Variants in MYH3 observed in about 807,000 individuals in gnomAD.
MYH3 encodes myosin heavy chain 3, also known as myosin-3.
A neutral mutation model predicts 238.0 loss-of-function variants in MYH3; 130 were observed. That is an observed-to-expected ratio of 0.55 (90% CI 0.47 to 0.63). The LOEUF (loss-of-function observed/expected upper bound fraction) is 0.63, where lower values mean the gene tolerates loss of function less well. MYH3 is among the 30% of genes least tolerant of loss of function. MYH3 has a pLI of 0.00. For synonymous variants in MYH3, 880 were observed against 924.1 expected (o/e 0.95, Z 0.86); for missense variants, 1,853 against 2,374.9 (o/e 0.78, Z 4.57).
chr17:10,648,084 C>A (rs2074340830), intron 8 of MYH3, among the ~76,000 whole-genome samples: 1 of 152,120 alleles, frequency 6.6e-6, no homozygotes, highest in Admixed American at 6.5e-5. Context: ...ATCCAAACTC[C>A]TTCTCATGGC....
In MYH3 at chr17:10,644,722, A is replaced by G; in HGVS notation, c.1142-20T>C. 1 of 1,570,218 alleles carries G rather than the reference A, an allele frequency of 6.4e-7. No homozygotes were observed. The highest frequency in any genetic ancestry group is 8.8e-7 in the Non-Finnish European group (1 of 1,140,552). On this transcript the variant is annotated intron_variant, in intron 12 of 40. Transcript: ENST00000583535. Reference sequence around the variant, plus strand: ...CAGCCACTGGCAAGAAAACAAGGACAGTGCTTAGAAAAGTAGAAGAGCTGC... The same window carrying G: ...CAGCCACTGGCAAGAAAACAAGGACGGTGCTTAGAAAAGTAGAAGAGCTGC...
At chr17:10,644,799 T>C (rs890446301) in intron 12 of MYH3, 97 bp from the exon 13 acceptor site, 10 of 938,978 alleles carry the variant, frequency 1.1e-5, no homozygotes, top group Admixed American at 3.7e-5. Flanking sequence ...TCTTGGTACA[T>C]TGTGCATTCC....
chr17:10,648,722 C>CTGCA (rs1281044353), intron 7 of MYH3, 73 bp from the exon 8 acceptor site: 1 of 1,325,880 alleles, frequency 7.5e-7, no homozygotes, highest in South Asian at 1.2e-5. Context: ...GTTGCCCAGG[C>CTGCA]TGCAGTGCAA....
At chr17:10,674,376 A>T in the MYH3 span, 1 of 218,962 alleles carries the variant, frequency 4.6e-6, no homozygotes, top group South Asian at 5.7e-5. Flanking sequence ...CAGTGAGCCA[A>T]GATCGCACCA....
chr17:10,667,324 T>C, the MYH3 span, among the ~76,000 whole-genome samples: 88 of 152,338 alleles, frequency 5.8e-4, no homozygotes, highest in East Asian at 0.016. Context: ...CCTATGTTTA[T>C]TGACAGGAGG....
chr17:10,639,293 C>G lies in MYH3; in HGVS notation c.3102+5G>C, dbSNP rs748013235. ...TGGGACTCCCGATGAGCATTATTTA[C>G]TTACGTCTTCCACTTGCTGTTCCAG... On this transcript the variant is annotated splice_donor_5th_base_variant and intron_variant, in intron 24 of 40. Coordinates refer to ENST00000583535, the MANE Select transcript of MYH3 (RefSeq NM_002470.4). The G allele has an allele frequency of 1.8e-5, 29 of 1,614,064 alleles. No homozygotes were observed. The highest frequency in any genetic ancestry group is 2.5e-6 in the Non-Finnish European group (3 of 1,180,036).
rs376115839 is a variant in MYH3 at position 10,638,973 on chromosome 17, G to A, written c.3249-10C>T. 3 of 1,614,030 alleles carry A rather than the reference G, an allele frequency of 1.9e-6. No individual in the cohort carries two copies. The African/African-American group carries it at 4.0e-5, about 22-fold the overall frequency. ...ATATTCAAAATCTTTCCTGTGAAGA[G>A]AAATGTAGAATGCATGAAGACAAAA... On this transcript the variant is annotated splice_polypyrimidine_tract_variant and intron_variant, in intron 25 of 40. Coordinates refer to ENST00000583535, the MANE Select transcript of MYH3 (RefSeq NM_002470.4).
the MYH3 span, chr17:10,672,473 G>A: frequency 6.6e-6 from 1 of 151,964 alleles, no homozygotes; most frequent in Non-Finnish European, 1.5e-5. Flanking sequence ...AAAAGACACT[G>A]TAATTTTTAA....
the MYH3 span, chr17:10,673,863 CTT>C: frequency 7.9e-5 from 12 of 152,170 alleles, no homozygotes. Context: ...TGACAGTCGT[CTT>C]TGACAAAAAT....
Position 10,650,399 on chromosome 17 carries a change from G to C in MYH3, c.508C>G (p.Arg170Gly). 6.2e-7 allele frequency: 1 copy of C among 1,612,336 alleles called. No homozygotes were observed. The highest frequency in any genetic ancestry group is 1.1e-5 in the South Asian group (1 of 91,026). ...GTGATCAGAATGGACTGGTTTTCAC[G>C]ATCTGCCAGAGGAAAAAATAAAATA... is the stretch of plus-strand genomic sequence containing the variant. ...DNAYQFMLTD[R>G]ENQSILITGE... Residue 170 changes from arginine to glycine, a missense_variant and splice_region_variant, in exon 6 of 41, where the codon CGT becomes GGT. This residue lies in a region of MYH3 where 678 missense variants were observed against 1,058.9 expected (regional missense o/e 0.64). Coordinates refer to ENST00000583535, the MANE Select transcript of MYH3 (RefSeq NM_002470.4).
intron 12 of MYH3, 57 bp from the exon 13 acceptor site, chr17:10,644,759 T>C: frequency 7.2e-7 from 1 of 1,383,658 alleles, no homozygotes; most frequent in Non-Finnish European, 1.0e-6. Context: ...TTGAAAATCA[T>C]CCAGAAGTTT....
intron 1 of MYH3, among the ~76,000 whole-genome samples, chr17:10,656,765 G>A (rs150305855): frequency 6.6e-6 from 1 of 152,264 alleles, no homozygotes; most frequent in Non-Finnish European, 1.5e-5. Flanking sequence ...AACAGTTCGA[G>A]GGCAGGGGCA....
At position 10,642,996 on chromosome 17, in the gene MYH3, A is replaced by G. The variant is rs115742228; in HGVS notation, c.1411T>C (p.Tyr471His). 4.5e-4 allele frequency: 719 copies of G among 1,614,164 alleles called. 6 individuals are homozygous for G. In the African/African-American group the frequency reaches 8.1e-3, roughly 18 times the overall value. Residue 471 changes from tyrosine (Y) to histidine (H), a missense_variant and splice_region_variant, in exon 15 of 41, where the codon TAT becomes CAT. This residue lies in a region of MYH3 where 678 missense variants were observed against 1,058.9 expected (regional missense o/e 0.64). Coordinates refer to ENST00000583535, the MANE Select transcript of MYH3 (RefSeq NM_002470.4). This position sits in a 1 kb window ranked among gnomAD's most constrained non-coding sequence, Gnocchi z 5.4. ...LDIAGFEIFE[Y>H]NSLEQLCINF... ...ATGCACAGCTGCTCCAGGCTGTTATACTAATAAAAAAATACAACATTCATG... is the reference window on the plus strand; with the variant it reads ...ATGCACAGCTGCTCCAGGCTGTTATGCTAATAAAAAAATACAACATTCATG...
chr17:10,631,522 T>C, intron 36 of MYH3, 89 bp downstream of exon 36: 1 of 1,590,488 alleles, frequency 6.3e-7, no homozygotes, highest in Non-Finnish European at 8.6e-7. Context: ...CAGGTGTGGC[T>C]GGGGGAGACC....
intron 4 of MYH3, 146 bp downstream of exon 4, chr17:10,652,274 C>T: frequency 2.8e-6 from 3 of 1,069,334 alleles, no homozygotes; most frequent in Non-Finnish European, 4.2e-6. Flanking sequence ...TTCTTGCCTT[C>T]TTTCTCCTCC....
Position 10,630,098 on chromosome 17 carries a change from C to G in MYH3, c.5556G>C (p.Thr1852=), listed in dbSNP as rs753287976. The change falls in exon 38 of 41, where the codon ACG becomes ACC. Residue 1852 remains threonine (T), a synonymous_variant. Transcript: ENST00000583535. ...GCGTTTGCGTTCCACTTACCTGGTA[C>G]GTCAGCTCCTTGACCCTCCGCTCAT... ...RKYERRVKEL[T]YQSEEDRKNV... The G allele has an allele frequency of 1.2e-6, 2 of 1,613,988 alleles. No homozygotes were observed. The highest frequency in any genetic ancestry group is 1.7e-6 in the Non-Finnish European group (2 of 1,179,838).
Position 10,651,184 on chromosome 17 carries a change from C to CAAAAA in MYH3, c.505+323_505+327dup, listed in dbSNP as rs35638998. Among the ~76,000 whole-genome samples, 2 of 106,006 alleles carry CAAAAA rather than the reference C, an allele frequency of 1.9e-5. 1 individual carries two copies. Among genetic ancestry groups the CAAAAA allele is most frequent in the Non-Finnish European group, 3.6e-5 (2 of 56,140 alleles). The allele number at this position is 106,006 out of a possible 152,430, so 69.5% of individuals were successfully genotyped here. On this transcript the variant is annotated intron_variant, in intron 5 of 40. Coordinates refer to ENST00000583535, the MANE Select transcript of MYH3 (RefSeq NM_002470.4). The stretch of plus-strand genomic sequence containing the variant: ...TGGGCAACATAGCAAGACTCCATCT[C>CAAAAA]AAAAAAAAAAAAAAAAAACCAGCCA...
chr17:10,675,794 C>T, the MYH3 span: 4 of 152,142 alleles, frequency 2.6e-5, no homozygotes, highest in Non-Finnish European at 4.4e-5. Flanking sequence ...ACTGGTCCAA[C>T]CTGAATAACG....
intron 19 of MYH3, among the ~76,000 whole-genome samples, 179 bp downstream of exon 19, chr17:10,640,906 G>A (rs1168691484): frequency 1.3e-5 from 2 of 152,198 alleles, no homozygotes; most frequent in South Asian, 4.1e-4. Context: ...ATAAATTCCA[G>A]AGAAAAACAT....
Sources: allele counts gnomAD v4.1 joint callset (sites outside exome capture counted in the v4.1 genomes callset), GRCh38; gene constraint gnomAD v4.1.1; regional missense constraint gnomAD v4.1.1; non-coding constraint Gnocchi (gnomAD v3.1); transcripts MANE v1.5; gene names NCBI Gene and HGNC (gene_info 2026-07-23, HGNC 2026-07-21).